Variants in ZNF614 observed in about 807,000 individuals in gnomAD.
The protein encoded by ZNF614 is zinc finger protein 614.
Under a neutral mutation model 12.8 loss-of-function variants are expected in ZNF614, and 11 were observed. That is an observed-to-expected ratio of 0.86 (90% CI 0.54 to 1.43). ZNF614 has a LOEUF of 1.43. Ranked by LOEUF, ZNF614 falls within the 40% of genes most tolerant of loss-of-function variation. ZNF614 has a pLI of 0.00. For synonymous variants in ZNF614, 237 were observed against 237.5 expected (o/e 1.00, Z 0.02); for missense variants, 664 against 708.8 (o/e 0.94, Z 0.72).
In ZNF614 at chr19:52,016,897, C is replaced by A. The variant is rs2086901988; in HGVS notation, c.701G>T (p.Ser234Ile). The stretch of plus-strand genomic sequence containing the variant: ...TCTGGATAATTTCTCACATTGACCA[C>A]TTCCAGGATTCTCTTGTATACAAAT... ...ENICIQENPGSGQCEKLSRSV... is the reference protein window; with the variant it reads ...ENICIQENPGIGQCEKLSRSV... Residue 234 changes from serine to isoleucine, a missense_variant, in exon 5 of 5, where the codon AGT (serine) becomes ATT (isoleucine). Coordinates refer to ENST00000270649, the MANE Select transcript of ZNF614 (RefSeq NM_025040.4). 1 of 1,614,164 alleles carries A rather than the reference C, an allele frequency of 6.2e-7. No homozygotes were observed. Among genetic ancestry groups the A allele is most frequent in the Non-Finnish European group, 8.5e-7 (1 of 1,180,034 alleles).
At position 52,015,977 on chromosome 19, in the gene ZNF614, A is replaced by T. The variant is rs2086893473; in HGVS notation, c.1621T>A (p.Cys541Ser). Residue 541 changes from cysteine (C) to serine (S), a missense_variant, in exon 5 of 5, where the codon TGC becomes AGC. Cys to Ser is a moderately radical substitution (Grantham distance 112, BLOSUM62 -1). Coordinates refer to ENST00000270649, the MANE Select transcript of ZNF614 (RefSeq NM_025040.4). ...RTHTGERPYG[C>S]SDCEKAFSHL... is the part of the protein sequence containing the mutation. Reference sequence around the variant, plus strand: ...GAGAAGGCTTTCTCACAATCACTGCATCCATACGGCCTCTCTCCTGTATGC... The same window carrying T: ...GAGAAGGCTTTCTCACAATCACTGCTTCCATACGGCCTCTCTCCTGTATGC... 6.8e-6 allele frequency: 11 copies of T among 1,614,194 alleles called. No homozygotes were observed. The highest frequency in any genetic ancestry group is 8.5e-6 in the Non-Finnish European group (10 of 1,180,038).
chr19:52,018,522 G>A, intron 2 of ZNF614, 28 bp from the exon 3 acceptor site: 2 of 1,601,916 alleles, frequency 1.2e-6, no homozygotes, highest in Non-Finnish European at 1.7e-6. Context: ...TATTCAATAT[G>A]ATATAAACTC....
At chr19:52,023,941 G>T (rs2086951889) in intron 2 of ZNF614, among the ~76,000 whole-genome samples, 1 of 152,126 alleles carries the variant, frequency 6.6e-6, no homozygotes, top group Non-Finnish European at 1.5e-5. Flanking sequence ...CTGTGGAAGG[G>T]AGAGGTGATG....
intron 2 of ZNF614, among the ~76,000 whole-genome samples, chr19:52,020,466 T>C (rs921410228): frequency 6.6e-5 from 10 of 152,244 alleles, no homozygotes; most frequent in African/African-American, 2.4e-4. Flanking sequence ...ATGGAATCCT[T>C]GGTGGCATTA....
chr19:52,016,595 G>A lies in ZNF614; in HGVS notation c.1003C>T (p.Arg335Ter), dbSNP rs1176628745. ...TAGGGTTTCTCCCCTGTATGAGTTC[G>A]CTGATGTACAATGAGATTGCTCTTC... ...TVKSNLIVHQRTHTGEKPYIC... is the reference protein window; with the variant it reads ...TVKSNLIVHQ Residue 335 changes from arginine (R) to a stop codon, truncating the protein, a stop_gained, in exon 5 of 5, where the codon CGA becomes TGA. Coordinates refer to ENST00000270649, the MANE Select transcript of ZNF614 (RefSeq NM_025040.4). LOFTEE classifies it low-confidence loss of function (END_TRUNC). The A allele has an allele frequency of 6.2e-6, 10 of 1,614,000 alleles. No individual in the cohort carries two copies. Among genetic ancestry groups the A allele is most frequent in the African/African-American group, 5.3e-5 (4 of 74,898 alleles).
rs1568514325 is a variant in ZNF614, at chr19:52,017,992, GC to G, written c.238+15del. ...TAAGACTCCTATAGCCACTGTCCTTGCTGGTTCTCACTTACCTGGACAATTT... is the reference window on the plus strand; with the variant it reads ...TAAGACTCCTATAGCCACTGTCCTTGTGGTTCTCACTTACCTGGACAATTT... On this transcript the variant is annotated intron_variant, in intron 4 of 4. Transcript: ENST00000270649. 6.2e-7 allele frequency: 1 copy of G among 1,600,202 alleles called. No homozygotes were observed. Among genetic ancestry groups the G allele is most frequent in the African/African-American group, 1.3e-5 (1 of 74,396 alleles).
Position 52,016,005 on chromosome 19 carries a change from T to A in ZNF614, c.1593A>T (p.Arg531Ser). Residue 531 changes from arginine to serine, a missense_variant, in exon 5 of 5, where the codon AGA becomes AGT. By Grantham distance (110) the Arg-to-Ser change is moderately radical (BLOSUM62 -1). Coordinates refer to ENST00000270649, the MANE Select transcript of ZNF614 (RefSeq NM_025040.4). ...TTKSVLNVHQ[R>S]THTGERPYGC... ...CATACGGCCTCTCTCCTGTATGCGTTCTTTGATGTACATTGAGTACTGACT... is the reference window on the plus strand; with the variant it reads ...CATACGGCCTCTCTCCTGTATGCGTACTTTGATGTACATTGAGTACTGACT... The A allele has an allele frequency of 6.2e-7, 1 of 1,614,228 alleles. No individual in the cohort carries two copies. Among genetic ancestry groups the A allele is most frequent in the Non-Finnish European group, 8.5e-7 (1 of 1,180,034 alleles).
intron 2 of ZNF614, among the ~76,000 whole-genome samples, chr19:52,023,855 C>A (rs377618151): frequency 6.6e-6 from 1 of 152,126 alleles, no homozygotes; most frequent in Non-Finnish European, 1.5e-5. Flanking sequence ...AGGAAGGGAG[C>A]TGGTTGCCAG....
chr19:52,020,838 G>A (rs1349925329), intron 2 of ZNF614, among the ~76,000 whole-genome samples: 1 of 152,114 alleles, frequency 6.6e-6, no homozygotes, highest in Non-Finnish European at 1.5e-5. Flanking sequence ...CTCATAACTT[G>A]GGTAATTACA....
At position 52,018,104 on chromosome 19, in the gene ZNF614, C is replaced by G; in HGVS notation, c.143-1G>C. 6.2e-7 allele frequency: 1 copy of G among 1,613,450 alleles called. No homozygotes were observed. Among genetic ancestry groups the G allele is most frequent in the Non-Finnish European group, 8.5e-7 (1 of 1,179,488 alleles). On this transcript the variant is annotated splice_acceptor_variant, in intron 3 of 4. Coordinates refer to ENST00000270649, the MANE Select transcript of ZNF614 (RefSeq NM_025040.4). LOFTEE classifies it high-confidence loss of function. ...ACATCTGGTTTGCTAGTTTGATACC[C>G]TGTTCATGAGGAAAGACAAACACAA...
rs2086880441 is a variant in ZNF614, at chr19:52,013,781, GT to G, written c.*2058del. On this transcript the variant is annotated 3_prime_UTR_variant, in exon 5 of 5. Coordinates refer to ENST00000270649, the MANE Select transcript of ZNF614 (RefSeq NM_025040.4). ...GTGGTTGCAGTGGTTACACGAATCT[GT>G]ACATGTAATACAACTTCTTAGAGTA... The G allele has an allele frequency of 6.6e-6, 1 of 152,082 alleles. No homozygotes were observed. The highest frequency in any genetic ancestry group is 1.5e-5 in the Non-Finnish European group (1 of 68,022). The allele number at this position is 152,082 out of a possible 1,614,324, so 9.4% of individuals were successfully genotyped here.
rs1429446291 is a variant in ZNF614 at position 52,014,444 on chromosome 19, G to C, written c.*1396C>G. ...ATGCCACTCACAAGGACAACCTGCA[G>C]TTCTGAATGGTGATAAATTCCGAGT... On this transcript the variant is annotated 3_prime_UTR_variant, in exon 5 of 5. Transcript: ENST00000270649. 6.6e-6 allele frequency: 1 copy of C among 152,200 alleles called. No homozygotes were observed. Among genetic ancestry groups the C allele is most frequent in the African/African-American group, 2.4e-5 (1 of 41,430 alleles). 9.4% of individuals were successfully genotyped at this position (152,200 alleles called of 1,614,324 possible). A position where few individuals can be genotyped will look rare whatever the true frequency, so the allele number is the denominator to read the frequency against.
Position 52,016,804 on chromosome 19 carries a change from C to A in ZNF614, c.794G>T (p.Arg265Ile), listed in dbSNP as rs1196216219. The stretch of plus-strand genomic sequence containing the variant: ...ACTACTCTTCACAGTAGAGCCTTTT[C>A]TATATTCATTGGGTATACAGATTTT... ...TDKICIPNEY[R>I]KGSTVKSSLI... Residue 265 changes from arginine (R) to isoleucine (I), a missense_variant, in exon 5 of 5, where the codon AGA (arginine) becomes ATA (isoleucine). Physicochemically the swap from Arg to Ile is moderately conservative, Grantham distance 97. Transcript: ENST00000270649. The A allele has an allele frequency of 1.4e-5, 22 of 1,613,750 alleles. No individual in the cohort carries two copies. Among genetic ancestry groups the A allele is most frequent in the Non-Finnish European group, 1.9e-5 (22 of 1,180,036 alleles).
In ZNF614 at chr19:52,015,972, A is replaced by G. The variant is rs1360480314; in HGVS notation, c.1626T>C (p.Ser542=). Reference sequence around the variant, plus strand: ...AGTGGGAGAAGGCTTTCTCACAATCACTGCATCCATACGGCCTCTCTCCTG... The same window carrying G: ...AGTGGGAGAAGGCTTTCTCACAATCGCTGCATCCATACGGCCTCTCTCCTG... ...THTGERPYGC[S]DCEKAFSHLS... Residue 542 remains serine, a synonymous_variant, in exon 5 of 5, where the codon AGT becomes AGC. Transcript: ENST00000270649. The G allele has an allele frequency of 6.2e-7, 1 of 1,614,174 alleles. No individual in the cohort carries two copies. The highest frequency in any genetic ancestry group is 1.7e-5 in the Admixed American group (1 of 60,026).
chr19:52,018,148 C>T (rs2086912257), intron 3 of ZNF614, 45 bp from the exon 4 acceptor site: 1 of 1,537,618 alleles, frequency 6.5e-7, no homozygotes, highest in South Asian at 1.1e-5. Flanking sequence ...AATTGGAGTC[C>T]AGTATGTCAA....
chr19:52,025,687 C>T, intron 2 of ZNF614, 44 bp downstream of exon 2: 1 of 1,609,798 alleles, frequency 6.2e-7, no homozygotes, highest in Non-Finnish European at 8.5e-7. Context: ...CTGACTTCTT[C>T]AGGCCACCAT....
rs1419266582 is a variant in ZNF614 at position 52,017,167 on chromosome 19, ATTAAAC to A, written c.425_430del (p.Ser142_Leu143del). ...TATTCCATGTCTTCTCTTCTGGTTG[ATTAAAC>A]TTAAACTTGATTTCAAATTTTTTCT... is the stretch of plus-strand genomic sequence containing the variant. On this transcript the variant is annotated inframe_deletion, in exon 5 of 5. Transcript: ENST00000270649. The A allele has an allele frequency of 8.1e-6, 13 of 1,614,168 alleles. No individual in the cohort carries two copies. Among genetic ancestry groups the A allele is most frequent in the African/African-American group, 5.3e-5 (4 of 75,050 alleles).
Position 52,018,044 on chromosome 19 carries a change from T to A in ZNF614, c.202A>T (p.Thr68Ser), listed in dbSNP as rs148006766. The stretch of plus-strand genomic sequence containing the variant: ...TTATTCTGAATTTTAGCATCTGTTG[T>A]CCATGGTTCTTGTCCATGTGCCAAC... ...SKLAHGQEPW[T>S]TDAKIQNKNC... is the part of the protein sequence containing the mutation. Residue 68 changes from threonine (T) to serine (S), a missense_variant, in exon 4 of 5, where the codon ACA becomes TCA. Transcript: ENST00000270649. 7.9e-5 allele frequency: 128 copies of A among 1,613,964 alleles called. No homozygotes were observed. The highest frequency in any genetic ancestry group is 1.0e-4 in the Non-Finnish European group (121 of 1,179,994).
rs762182085 is a variant in ZNF614 at position 52,016,141 on chromosome 19, GTACA to G, written c.1453_1456del (p.Cys485ProfsTer112). 1.2e-6 allele frequency: 2 copies of G among 1,614,072 alleles called. No homozygotes were observed. The highest frequency in any genetic ancestry group is 1.7e-6 in the Non-Finnish European group (2 of 1,180,028). Reference sequence around the variant, plus strand: ...GTGTGAATAGGATTTTCCGCACTCGGTACATACAAAGGGAGTCTTTCCTGTATGA... The same window carrying G: ...GTGTGAATAGGATTTTCCGCACTCGGTACAAAGGGAGTCTTTCCTGTATGA... On this transcript the variant is annotated frameshift_variant, in exon 5 of 5. Transcript: ENST00000270649. LOFTEE classifies it low-confidence loss of function (END_TRUNC).
Sources: gnomAD v4.1 joint callset for allele counts (sites outside exome capture counted in the v4.1 genomes callset) on GRCh38, gnomAD v4.1.1 for gene constraint, MANE v1.5 for transcripts, NCBI Gene and HGNC (gene_info 2026-07-23, HGNC 2026-07-21) for gene names.